The following UNC5D variants were observed in gnomAD, a reference collection of about 807,000 sequenced individuals.
UNC5D encodes netrin receptor UNC5D.
In UNC5D, 39 loss-of-function variants were observed where a neutral mutation model predicts 105.4. That is an observed-to-expected ratio of 0.37 (90% CI 0.29 to 0.48). The LOEUF (loss-of-function observed/expected upper bound fraction) is 0.48. UNC5D is among the 20% of genes least tolerant of loss of function. The probability of loss-of-function intolerance (pLI) is 0.98; values close to 1 mark genes in which losing one functional copy is unlikely to be tolerated. For synonymous variants in UNC5D, 452 were observed against 450.4 expected (o/e 1.00, Z -0.04); for missense variants, 991 against 1,202.4 (o/e 0.82, Z 2.60).
intron 1 of UNC5D, among the ~76,000 whole-genome samples, chr8:35,315,501 C>G (rs1346006967): frequency 6.6e-6 from 1 of 152,130 alleles, no homozygotes; most frequent in Non-Finnish European, 1.5e-5. Context: ...CAGGCTGGTT[C>G]ACATGACAGC....
At chr8:35,459,582 G>A (rs1808743867) in intron 1 of UNC5D, among the ~76,000 whole-genome samples, 1 of 152,070 alleles carries the variant, frequency 6.6e-6, no homozygotes, top group African/African-American at 2.4e-5. Flanking sequence ...TATTAGACAG[G>A]GAAGAATTAA....
intron 4 of UNC5D, among the ~76,000 whole-genome samples, chr8:35,631,173 C>T (rs572133781): frequency 2.3e-3 from 349 of 152,192 alleles, no homozygotes; most frequent in African/African-American, 8.0e-3. Flanking sequence ...ATTAACTGGA[C>T]ATAGTGGTGT....
intron 1 of UNC5D, among the ~76,000 whole-genome samples, chr8:35,318,684 G>A (rs1388582044): frequency 6.6e-6 from 1 of 151,976 alleles, no homozygotes; most frequent in Non-Finnish European, 1.5e-5. Flanking sequence ...TTTAAAGATG[G>A]ATAAAGTAAC....
chr8:35,788,984 T>C (rs1323473240), intron 16 of UNC5D, among the ~76,000 whole-genome samples: 1 of 150,614 alleles, frequency 6.6e-6, no homozygotes, highest in Non-Finnish European at 1.5e-5. Flanking sequence ...ACTTGTCTAT[T>C]TGTGGGTGTG....
intron 8 of UNC5D, among the ~76,000 whole-genome samples, chr8:35,712,360 A>AT (rs1396047515): frequency 6.6e-6 from 1 of 152,224 alleles, no homozygotes; most frequent in Non-Finnish European, 1.5e-5. Flanking sequence ...TCCCATACAA[A>AT]TAATCTTGGC....
intron 9 of UNC5D, 81 bp from the exon 10 acceptor site, chr8:35,726,071 C>CGCATAG: frequency 1.3e-6 from 2 of 1,514,012 alleles, no homozygotes; most frequent in Non-Finnish European, 1.8e-6. Flanking sequence ...CAGGCTGTTG[C>CGCATAG]GCAGTTTGCA....
chr8:35,254,187 G>A (rs1803913974), intron 1 of UNC5D, among the ~76,000 whole-genome samples: 1 of 152,126 alleles, frequency 6.6e-6, no homozygotes, highest in South Asian at 2.1e-4. Context: ...ATCTTTGGTA[G>A]CATTAAACAA....
intron 1 of UNC5D, among the ~76,000 whole-genome samples, chr8:35,547,767 G>A (rs1815806255): frequency 6.6e-6 from 1 of 152,296 alleles, no homozygotes; most frequent in African/African-American, 2.4e-5. Context: ...ACTCTCTTCG[G>A]AGAGTTGGAT....
intron 1 of UNC5D, among the ~76,000 whole-genome samples, chr8:35,397,940 C>T (rs1018368792): frequency 5.3e-5 from 8 of 152,202 alleles, no homozygotes; most frequent in Non-Finnish European, 1.2e-4. Context: ...GTGATCCTGA[C>T]CTGTCCAGCC....
intron 1 of UNC5D, among the ~76,000 whole-genome samples, chr8:35,286,769 A>T (rs1246207190): frequency 6.6e-6 from 1 of 152,156 alleles, no homozygotes; most frequent in Admixed American, 6.5e-5. Context: ...GCCCAAGTCC[A>T]CACATGTCTA....
intron 4 of UNC5D, among the ~76,000 whole-genome samples, chr8:35,603,725 T>G (rs1820058746): frequency 6.6e-6 from 1 of 152,218 alleles, no homozygotes; most frequent in Non-Finnish European, 1.5e-5. Context: ...ATCTGGGTGC[T>G]CCTGTATTGG....
chr8:35,756,851 A>G (rs775028505), intron 13 of UNC5D, among the ~76,000 whole-genome samples: 13 of 152,196 alleles, frequency 8.5e-5, no homozygotes, highest in Admixed American at 2.0e-4. Context: ...AAGTCACTTC[A>G]TTTCCTGGCG....
intron 1 of UNC5D, among the ~76,000 whole-genome samples, chr8:35,508,297 T>C (rs1230939612): frequency 3.3e-5 from 5 of 152,220 alleles, no homozygotes; most frequent in Non-Finnish European, 7.3e-5. Context: ...AAGTCTATGA[T>C]TGTTTTCAGA....
At chr8:35,381,290 C>T (rs1298403199) in intron 1 of UNC5D, among the ~76,000 whole-genome samples, 1 of 152,084 alleles carries the variant, frequency 6.6e-6, no homozygotes, top group African/African-American at 2.4e-5. Context: ...TAAATTTTGC[C>T]TTTAGAGTCC....
rs148169574 is a variant in UNC5D, at chr8:35,489,405, C to T, written c.104-59887C>T. 6.5e-3 allele frequency among the ~76,000 whole-genome samples: 984 copies of T among 152,194 alleles called. 3 individuals are homozygous for T. Among genetic ancestry groups the T allele is most frequent in the Non-Finnish European group, 1.0e-2 (677 of 67,992 alleles). On this transcript the variant is annotated intron_variant, in intron 1 of 16. Coordinates refer to ENST00000404895, the MANE Select transcript of UNC5D (RefSeq NM_080872.4). ...CTCAGAATGTGATTGTGTTTTCAGA[C>T]AGGGCATTTAAGAAGGTGATTAAGT...
chr8:35,442,857 A>ATCTCTCTC (rs138221035), intron 1 of UNC5D, among the ~76,000 whole-genome samples: 18 of 106,960 alleles, frequency 1.7e-4, no homozygotes, highest in African/African-American at 5.6e-4. Context: ...TTCTTACACC[A>ATCTCTCTC]TCTCTCTCTC....
chr8:35,710,391 G>A (rs959046083), intron 8 of UNC5D, among the ~76,000 whole-genome samples: 2 of 152,204 alleles, frequency 1.3e-5, no homozygotes, highest in South Asian at 2.1e-4. Flanking sequence ...CTGGTATGGG[G>A]AAAACTTGGC....
intron 12 of UNC5D, among the ~76,000 whole-genome samples, chr8:35,749,772 CTCTT>C (rs1563731797): frequency 6.6e-6 from 1 of 152,120 alleles, no homozygotes; most frequent in Non-Finnish European, 1.5e-5. Flanking sequence ...TCCTCACAAT[CTCTT>C]ATACACAGAT....
intron 1 of UNC5D, among the ~76,000 whole-genome samples, chr8:35,535,438 T>G (rs1054424316): frequency 1.5e-5 from 2 of 136,764 alleles, no homozygotes; most frequent in African/African-American, 5.3e-5. Context: ...GTTGTTGCTG[T>G]TTTTTTTTTT....
Sources: allele counts gnomAD v4.1 joint callset (sites outside exome capture counted in the v4.1 genomes callset), GRCh38; gene constraint gnomAD v4.1.1; transcripts MANE v1.5; gene names NCBI Gene and HGNC (gene_info 2026-07-23, HGNC 2026-07-21).